The following EMC3 variants were observed in gnomAD, a reference collection of about 807,000 sequenced individuals.
The protein encoded by EMC3 is 30 kDa protein.
EMC3 carries 13 observed loss-of-function variants against 36.6 expected under a neutral mutation model. That is an observed-to-expected ratio of 0.35 (90% CI 0.23 to 0.56). The LOEUF is 0.56. Among genes scored for constraint, EMC3 ranks in the 20% least tolerant of loss-of-function variants. The pLI is 0.84. For synonymous variants in EMC3, 120 were observed against 111.9 expected, an observed-to-expected ratio of 1.07 and a Z score of -0.46; for missense variants, 220 against 324.5, an observed-to-expected ratio of 0.68 and a Z score of 2.47.
At chr3:9,999,458 C>CT (rs1324925134) in intron 1 of EMC3, among the ~76,000 whole-genome samples, 1 of 152,120 alleles carries the variant, frequency 6.6e-6, no homozygotes. Flanking sequence ...CCAGGATGGT[C>CT]TTGATCTCTT....
At position 9,964,461 on chromosome 3, in the gene EMC3, G is replaced by A. The variant is rs2085717942; in HGVS notation, c.658-264C>T. ...GCCACTGGCACTAGGAACTAATGGA[G>A]CTGAGATTTAAATTGTGGTCTGACT... On this transcript the variant is annotated intron_variant, in intron 7 of 7. Transcript: ENST00000245046. Among the ~76,000 whole-genome samples, 7 of 152,342 alleles carry A rather than the reference G, an allele frequency of 4.6e-5. No homozygotes were observed. The South Asian group carries it at 1.4e-3, about 32-fold the overall frequency.
At chr3:9,974,314 G>A (rs2085821318) in intron 4 of EMC3, 70 bp downstream of exon 4, 2 of 1,019,442 alleles carry the variant, frequency 2.0e-6, no homozygotes, top group Non-Finnish European at 3.1e-6. Context: ...CACAGGACCT[G>A]TGATATTAGT....
intron 1 of EMC3, among the ~76,000 whole-genome samples, chr3:10,000,336 G>C (rs984208317): frequency 6.6e-6 from 1 of 152,046 alleles, no homozygotes; most frequent in Non-Finnish European, 1.5e-5. Context: ...TACTGCGCCC[G>C]GCCTCTATTA....
upstream of EMC3, among the ~76,000 whole-genome samples, chr3:9,989,461 G>C (rs1436117908): frequency 6.6e-6 from 1 of 152,226 alleles, no homozygotes; most frequent in East Asian, 1.9e-4. Context: ...GACAGTGCAA[G>C]ACTCCATCTC....
At chr3:9,975,504 G>C (rs1000202791) in intron 3 of EMC3, among the ~76,000 whole-genome samples, 14 of 149,530 alleles carry the variant, frequency 9.4e-5, no homozygotes, top group African/African-American at 3.5e-4. Context: ...AGCTTACTGG[G>C]CTAAAAAAAA....
rs1559347865 is a variant in EMC3, at chr3:9,963,469, A to ATTTTTT, written c.*599_*600insAAAAAA. 15 of 106,912 alleles carry ATTTTTT rather than the reference A, an allele frequency of 1.4e-4. No individual in the cohort carries two copies. Among genetic ancestry groups the ATTTTTT allele is most frequent in the African/African-American group, 5.7e-4 (15 of 26,480 alleles). The allele number at this position is 106,912 out of a possible 1,614,324, so 6.6% of individuals were successfully genotyped here. A position where few individuals can be genotyped will look rare whatever the true frequency, so the allele number is the denominator to read the frequency against. Reference sequence around the variant, plus strand: ...TGCTAAGATAGATATATATATATATATATATATATTTTTTTTTTTTTTTCA... The same window carrying ATTTTTT: ...TGCTAAGATAGATATATATATATATATTTTTTTATATATATTTTTTTTTTTTTTTCA... On this transcript the variant is annotated 3_prime_UTR_variant, in exon 8 of 8. Coordinates refer to ENST00000245046, the MANE Select transcript of EMC3 (RefSeq NM_001394674.1).
In EMC3 at chr3:9,963,028, T is replaced by G. The variant is rs1012098827; in HGVS notation, c.*1041A>C. The G allele has an allele frequency of 7.9e-5, 12 of 152,198 alleles. No homozygotes were observed. Among genetic ancestry groups the G allele is most frequent in the African/African-American group, 2.9e-4 (12 of 41,462 alleles). 9.4% of individuals were successfully genotyped at this position (152,198 alleles called of 1,614,324 possible). A position where few individuals can be genotyped will look rare whatever the true frequency, so the allele number is the denominator to read the frequency against. On this transcript the variant is annotated 3_prime_UTR_variant, in exon 8 of 8. Transcript: ENST00000245046. Reference sequence around the variant, plus strand: ...CATCCAGATCAAGATTTTGCATTATTTATAGACAGTCTCTGATGATCCCAA... The same window carrying G: ...CATCCAGATCAAGATTTTGCATTATGTATAGACAGTCTCTGATGATCCCAA...
At chr3:9,983,489 T>C (rs927269843) in intron 1 of EMC3, among the ~76,000 whole-genome samples, 1 of 152,102 alleles carries the variant, frequency 6.6e-6, no homozygotes, top group Non-Finnish European at 1.5e-5. Flanking sequence ...CTGGGTGCAA[T>C]GGCTCACACC....
chr3:9,998,399 TAATAA>T (rs1417804989), intron 1 of EMC3, among the ~76,000 whole-genome samples: 1 of 147,600 alleles, frequency 6.8e-6, no homozygotes, highest in Non-Finnish European at 1.5e-5. Context: ...ATAATAATAA[TAATAA>T]TAATTTTGCT....
chr3:9,988,489 G>A (rs148542800), upstream of EMC3: 37 of 1,241,308 alleles, frequency 3.0e-5, no homozygotes, highest in African/African-American at 4.3e-4. Context: ...TGGGATCTTT[G>A]GAACTTTGAT....
At chr3:9,968,852 CTT>C (rs113001228) in intron 7 of EMC3, 33,473 of 148,798 alleles carry the variant, frequency 0.22, 4,332 homozygotes, top group African/African-American at 0.36. Context: ...GAGTTTTGCT[CTT>C]GTTGCCCAGG....
intron 1 of EMC3, chr3:10,004,718 C>A (rs2086244799): frequency 1.3e-5 from 2 of 152,310 alleles, no homozygotes; most frequent in African/African-American, 4.8e-5. Flanking sequence ...CACCAGGAGA[C>A]ACCAGAACGA....
chr3:9,995,104 A>C (rs1337511354), intron 1 of EMC3, among the ~76,000 whole-genome samples: 1 of 146,636 alleles, frequency 6.8e-6, no homozygotes, highest in East Asian at 2.0e-4. Flanking sequence ...GTTGTAATTG[A>C]GAATTCTGTT....
At chr3:9,975,193 C>G (rs1178696260) in intron 3 of EMC3, among the ~76,000 whole-genome samples, 1 of 152,108 alleles carries the variant, frequency 6.6e-6, no homozygotes, top group Non-Finnish European at 1.5e-5. Context: ...GCATAGGATT[C>G]CATGGTGTGG....
At chr3:9,998,173 TG>T (rs1257976165) in intron 1 of EMC3, among the ~76,000 whole-genome samples, 1 of 151,848 alleles carries the variant, frequency 6.6e-6, no homozygotes, top group East Asian at 1.9e-4. Context: ...GAGACCATCC[TG>T]GCTAACATGG....
chr3:9,986,386 G>T, intron 1 of EMC3, 121 bp downstream of exon 1: 2 of 1,127,840 alleles, frequency 1.8e-6, no homozygotes, highest in East Asian at 2.4e-5. Flanking sequence ...CAGAGGTAAC[G>T]GGTAAGGTCA....
At chr3:9,964,964 G>A (rs1051756627) in intron 7 of EMC3, among the ~76,000 whole-genome samples, 3 of 152,118 alleles carry the variant, frequency 2.0e-5, no homozygotes, top group African/African-American at 7.2e-5. Context: ...TGAGTTGGGT[G>A]CAGTGGCATG....
chr3:10,007,629 G>A (rs2086279394), intron 1 of EMC3: 2 of 1,363,306 alleles, frequency 1.5e-6, no homozygotes. Flanking sequence ...CAGCCCTGAG[G>A]GATGGAGGGG....
chr3:9,987,363 TCC>T (rs1297105055), upstream of EMC3: 8 of 937,304 alleles, frequency 8.5e-6, no homozygotes, highest in Non-Finnish European at 1.0e-5. Flanking sequence ...TCTCTGGGGC[TCC>T]GCGCCCCAAG....
Sources: gnomAD v4.1 joint callset for allele counts (sites outside exome capture counted in the v4.1 genomes callset) on GRCh38, gnomAD v4.1.1 for gene constraint, MANE v1.5 for transcripts, NCBI Gene and HGNC (gene_info 2026-07-23, HGNC 2026-07-21) for gene names.